Variants in MCU observed in about 807,000 individuals in gnomAD.
The protein encoded by MCU is mitochondrial calcium uniporter.
Under a neutral mutation model 45.2 loss-of-function variants are expected in MCU, and 12 were observed. That is an observed-to-expected ratio of 0.27 (90% CI 0.17 to 0.43). The LOEUF is 0.43. Among genes scored for constraint, MCU ranks in the 20% least tolerant of loss-of-function variants. MCU has a pLI of 1.00. For missense variants in MCU, 324 were observed against 436.7 expected, an observed-to-expected ratio of 0.74 and a Z score of 2.30; for synonymous variants, 160 against 165.1, an observed-to-expected ratio of 0.97 and a Z score of 0.24.
rs570472468 is a variant in MCU at position 72,752,682 on chromosome 10, A to C, written c.150+60381A>C. ...TTGCCTGCTGCATGGGTCACAGGAAACATTTAGTTACAGAACTGGAGACCT... is the reference window on the plus strand; with the variant it reads ...TTGCCTGCTGCATGGGTCACAGGAACCATTTAGTTACAGAACTGGAGACCT... On this transcript the variant is annotated intron_variant, in intron 1 of 7. Transcript: ENST00000373053. 1.6e-3 allele frequency among the ~76,000 whole-genome samples: 242 copies of C among 152,302 alleles called. 3 individuals are homozygous for C. Among genetic ancestry groups the C allele is most frequent in the African/African-American group, 5.6e-3 (231 of 41,564 alleles).
intron 1 of MCU, among the ~76,000 whole-genome samples, chr10:72,814,168 G>T (rs1844590408): frequency 6.6e-6 from 1 of 152,194 alleles, no homozygotes; most frequent in Non-Finnish European, 1.5e-5. Context: ...TAATGGTCAG[G>T]TGAAACTGGT....
chr10:72,867,413 G>T (rs1478589555), intron 4 of MCU, among the ~76,000 whole-genome samples: 2 of 152,078 alleles, frequency 1.3e-5, no homozygotes, highest in Non-Finnish European at 1.5e-5. Flanking sequence ...TTGAATGAAA[G>T]AATTTAATCT....
intron 1 of MCU, among the ~76,000 whole-genome samples, chr10:72,773,364 G>A (rs1008343532): frequency 2.0e-5 from 3 of 152,156 alleles, no homozygotes; most frequent in African/African-American, 7.2e-5. Flanking sequence ...ACTCTGTGGA[G>A]GCTCTCAATG....
chr10:72,804,804 T>C (rs1367979730), intron 1 of MCU, among the ~76,000 whole-genome samples: 1 of 152,218 alleles, frequency 6.6e-6, no homozygotes, highest in Non-Finnish European at 1.5e-5. Context: ...ACTTATTGGT[T>C]GATTGATTGA....
intron 1 of MCU, among the ~76,000 whole-genome samples, chr10:72,787,431 G>T (rs1202989133): frequency 6.6e-6 from 1 of 152,006 alleles, no homozygotes; most frequent in Non-Finnish European, 1.5e-5. Flanking sequence ...ACCATGCCCA[G>T]CTAATTTTTG....
At chr10:72,732,815 G>T (rs1394517129) in intron 1 of MCU, among the ~76,000 whole-genome samples, 2 of 152,168 alleles carry the variant, frequency 1.3e-5, no homozygotes, top group Non-Finnish European at 2.9e-5. Flanking sequence ...ATGTAGCTAT[G>T]GTGTACCAAC....
chr10:72,882,975 T>C (rs1282499069), intron 6 of MCU, among the ~76,000 whole-genome samples: 1 of 152,100 alleles, frequency 6.6e-6, no homozygotes, highest in Admixed American at 6.5e-5. Context: ...TTAGGGAAAA[T>C]AGAAAAGAAC....
chr10:72,709,508 T>G (rs1753460414), intron 1 of MCU, among the ~76,000 whole-genome samples: 2 of 152,212 alleles, frequency 1.3e-5, no homozygotes, highest in African/African-American at 4.8e-5. Context: ...TTTCTCTCTC[T>G]TTCTCCCTTT....
chr10:72,737,079 A>C (rs981791420), intron 1 of MCU, among the ~76,000 whole-genome samples: 5 of 152,172 alleles, frequency 3.3e-5, no homozygotes, highest in Non-Finnish European at 7.3e-5. Flanking sequence ...GGCCACAGAC[A>C]TTTTTCTTGA....
chr10:72,742,047 A>T (rs1267596963), intron 1 of MCU, among the ~76,000 whole-genome samples: 14 of 140,138 alleles, frequency 1.0e-4, no homozygotes, highest in Admixed American at 7.8e-4. Flanking sequence ...AAAAAAAAAC[A>T]AAAACGACAT....
chr10:72,692,698 C>A lies in MCU; in HGVS notation c.150+397C>A, dbSNP rs1051950512. On this transcript the variant is annotated intron_variant, in intron 1 of 7. Transcript: ENST00000373053. ...TGTCCCCTTTCCCTCCTCCTCCGGGCGGGTTGGGGAGTTCTGAGTTGCCGC... is the reference window on the plus strand; with the variant it reads ...TGTCCCCTTTCCCTCCTCCTCCGGGAGGGTTGGGGAGTTCTGAGTTGCCGC... The A allele has an allele frequency of 1.6e-5, 20 of 1,223,752 alleles. No individual in the cohort carries two copies. In the Admixed American group the frequency reaches 2.8e-4, roughly 17 times the overall value. 75.8% of individuals were successfully genotyped at this position (1,223,752 alleles called of 1,614,324 possible).
At chr10:72,799,245 G>A (rs911899815) in intron 1 of MCU, among the ~76,000 whole-genome samples, 1 of 152,104 alleles carries the variant, frequency 6.6e-6, no homozygotes, top group African/African-American at 2.4e-5. Flanking sequence ...CTTTTTAAAA[G>A]CTATGTAGTT....
chr10:72,812,758 T>C (rs1422697412), intron 1 of MCU, among the ~76,000 whole-genome samples: 2 of 99,492 alleles, frequency 2.0e-5, no homozygotes, highest in East Asian at 3.9e-4. Context: ...GGAAGTAAGC[T>C]TTCTTCAAAC....
At chr10:72,742,388 A>G (rs1843347699) in intron 1 of MCU, among the ~76,000 whole-genome samples, 3 of 152,174 alleles carry the variant, frequency 2.0e-5, no homozygotes, top group Admixed American at 6.5e-5. Flanking sequence ...TTGTCATCAT[A>G]GGGTTTTTTC....
At chr10:72,810,232 A>C (rs1844518896) in intron 1 of MCU, among the ~76,000 whole-genome samples, 1 of 152,014 alleles carries the variant, frequency 6.6e-6, no homozygotes, top group Non-Finnish European at 1.5e-5. Context: ...AAAAAAGAAA[A>C]TTGAGAGAAA....
At chr10:72,832,930 A>C (rs1844899339) in intron 1 of MCU, among the ~76,000 whole-genome samples, 1 of 38,478 alleles carries the variant, frequency 2.6e-5, no homozygotes, top group Admixed American at 1.9e-4. Flanking sequence ...TGAAACCAAT[A>C]GCTATGTGTG....
At chr10:72,736,399 C>T (rs1320937127) in intron 1 of MCU, 1 of 152,106 alleles carries the variant, frequency 6.6e-6, no homozygotes, top group Non-Finnish European at 1.5e-5. Flanking sequence ...AAGGTTTAGT[C>T]CTAAAAGGAA....
chr10:72,754,873 T>C (rs1843551982), intron 1 of MCU, among the ~76,000 whole-genome samples: 1 of 152,172 alleles, frequency 6.6e-6, no homozygotes, highest in African/African-American at 2.4e-5. Context: ...TCAAGTCCCA[T>C]ACTGCCCAGT....
chr10:72,869,124 T>A (rs1845501674), intron 5 of MCU, among the ~76,000 whole-genome samples: 1 of 152,208 alleles, frequency 6.6e-6, no homozygotes, highest in South Asian at 2.1e-4. Context: ...CCTTTAAAAT[T>A]AAGATCAGAA....
Sources: allele counts gnomAD v4.1 joint callset (sites outside exome capture counted in the v4.1 genomes callset), GRCh38; gene constraint gnomAD v4.1.1; transcripts MANE v1.5; gene names NCBI Gene and HGNC (gene_info 2026-07-23, HGNC 2026-07-21).